The following LRMDA variants were observed in gnomAD, a reference collection of about 807,000 sequenced individuals.
The protein encoded by LRMDA is leucine rich melanocyte differentiation associated.
Under a neutral mutation model 29.8 loss-of-function variants are expected in LRMDA, and 18 were observed. The ratio of observed to expected loss-of-function variants is 0.60; its 90% CI spans 0.42 to 0.90. The LOEUF (loss-of-function observed/expected upper bound fraction) is 0.90. Ranked by LOEUF, LRMDA falls within the 40% of genes least tolerant of loss-of-function variation. LRMDA has a pLI of 0.00. For synonymous variants in LRMDA, 125 were observed against 109.4 expected (o/e 1.14, Z -0.89); for missense variants, 273 against 273.9 (o/e 1.00, Z 0.02).
At chr10:75,459,826 A>G (rs559615995) in intron 2 of LRMDA, among the ~76,000 whole-genome samples, 19 of 152,322 alleles carry the variant, frequency 1.2e-4, no homozygotes, top group African/African-American at 4.6e-4. Context: ...TGCAAGGGCA[A>G]GAGAGCAAGT....
Position 75,518,700 on chromosome 10 carries a change from C to T in LRMDA, c.131+80206C>T, listed in dbSNP as rs1845323632. Among the ~76,000 whole-genome samples the T allele has an allele frequency of 7.2e-5, 11 of 152,126 alleles. 1 individual carries two copies. In the South Asian group the frequency reaches 2.1e-3, roughly 29 times the overall value. The stretch of plus-strand genomic sequence containing the variant: ...GTAGAGTTTTTTGTGTCTCTATCTC[C>T]TTCAGTTCTGCTCTGATCTTAGTTA... On this transcript the variant is annotated intron_variant, in intron 2 of 6. Coordinates refer to ENST00000611255, the MANE Select transcript of LRMDA (RefSeq NM_001305581.2).
chr10:75,638,518 T>C (rs1589142693), intron 2 of LRMDA, among the ~76,000 whole-genome samples: 1 of 152,360 alleles, frequency 6.6e-6, no homozygotes, highest in East Asian at 1.9e-4. Context: ...CTGTCTCCTT[T>C]CTTTCTTCTC....
chr10:75,947,903 T>C (rs560086328), intron 2 of LRMDA, among the ~76,000 whole-genome samples: 1 of 152,310 alleles, frequency 6.6e-6, no homozygotes, highest in Non-Finnish European at 1.5e-5. Flanking sequence ...GCTCGATTAT[T>C]GGATTCTGTA....
chr10:75,592,668 C>T (rs551455517), intron 2 of LRMDA, among the ~76,000 whole-genome samples: 6 of 152,310 alleles, frequency 3.9e-5, no homozygotes, highest in African/African-American at 1.2e-4. Flanking sequence ...GACGCGGCAG[C>T]CCCCCAGGCT....
At chr10:76,295,337 C>T (rs1054030014) in intron 5 of LRMDA, among the ~76,000 whole-genome samples, 1 of 152,166 alleles carries the variant, frequency 6.6e-6, no homozygotes, top group Non-Finnish European at 1.5e-5. Context: ...GTGTGGGAAG[C>T]TGGACAGGTC....
At chr10:76,170,686 T>C (rs534739531) in intron 5 of LRMDA, among the ~76,000 whole-genome samples, 1 of 152,336 alleles carries the variant, frequency 6.6e-6, no homozygotes, top group South Asian at 2.1e-4. Flanking sequence ...AAGGAAACTA[T>C]ATCTCTAGAA....
intron 6 of LRMDA, among the ~76,000 whole-genome samples, chr10:76,332,284 A>G (rs1287227751): frequency 6.6e-6 from 1 of 152,258 alleles, no homozygotes; most frequent in Admixed American, 6.5e-5. Context: ...ACTGGCATGG[A>G]GTTTAGCCAG....
intron 2 of LRMDA, among the ~76,000 whole-genome samples, chr10:75,847,203 G>T (rs942092952): frequency 2.6e-5 from 4 of 152,134 alleles, no homozygotes; most frequent in Admixed American, 2.6e-4. Context: ...ATTGACCATT[G>T]TGTGTATGGT....
chr10:76,413,763 A>G (rs1410159463), intron 6 of LRMDA, among the ~76,000 whole-genome samples: 1 of 152,210 alleles, frequency 6.6e-6, no homozygotes, highest in Non-Finnish European at 1.5e-5. Context: ...TTGCTGTTCT[A>G]TCCCAGGGGC....
At chr10:76,344,600 A>G (rs1841080201) in intron 6 of LRMDA, among the ~76,000 whole-genome samples, 1 of 152,186 alleles carries the variant, frequency 6.6e-6, no homozygotes, top group Non-Finnish European at 1.5e-5. Flanking sequence ...TTTAAAAAGA[A>G]TTATAATGAG....
At chr10:76,458,407 A>G (rs1842479686) in intron 6 of LRMDA, among the ~76,000 whole-genome samples, 1 of 152,226 alleles carries the variant, frequency 6.6e-6, no homozygotes, top group African/African-American at 2.4e-5. Context: ...AAAATGGCTT[A>G]TTGATAGCTT....
chr10:75,528,582 G>A (rs1298786890), intron 2 of LRMDA, among the ~76,000 whole-genome samples: 2 of 152,148 alleles, frequency 1.3e-5, no homozygotes, highest in African/African-American at 2.4e-5. Flanking sequence ...TGAACTTCAC[G>A]ACTAGTTGGT....
intron 2 of LRMDA, among the ~76,000 whole-genome samples, chr10:75,751,769 C>A (rs1842971900): frequency 6.6e-6 from 1 of 151,784 alleles, no homozygotes; most frequent in Non-Finnish European, 1.5e-5. Flanking sequence ...AAATACACGG[C>A]TCCTCTCATT....
intron 2 of LRMDA, among the ~76,000 whole-genome samples, chr10:75,990,590 G>A (rs529414368): frequency 8.5e-5 from 13 of 152,276 alleles, no homozygotes; most frequent in African/African-American, 2.6e-4. Flanking sequence ...CAGCTCTCTT[G>A]CTCCTTAAAT....
At chr10:75,868,867 G>GTT (rs1275337519) in intron 2 of LRMDA, among the ~76,000 whole-genome samples, 4 of 152,144 alleles carry the variant, frequency 2.6e-5, no homozygotes, top group Non-Finnish European at 5.9e-5. Context: ...AACACATGCA[G>GTT]CTCCGTCCTG....
intron 5 of LRMDA, among the ~76,000 whole-genome samples, chr10:76,224,563 C>G (rs1480155774): frequency 6.6e-6 from 1 of 151,454 alleles, no homozygotes; most frequent in Admixed American, 6.6e-5. Context: ...CAGAGCCAGA[C>G]CCTGTCTCAA....
At chr10:76,520,064 G>A (rs905297857) in intron 6 of LRMDA, among the ~76,000 whole-genome samples, 12 of 152,034 alleles carry the variant, frequency 7.9e-5, no homozygotes, top group African/African-American at 2.7e-4. Context: ...GTCTCTAATC[G>A]TTTGTGGTGA....
At chr10:75,829,154 T>C (rs964837086) in intron 2 of LRMDA, among the ~76,000 whole-genome samples, 1 of 152,242 alleles carries the variant, frequency 6.6e-6, no homozygotes, top group African/African-American at 2.4e-5. Context: ...GATGGTGTGC[T>C]GAGCCCTTCC....
intron 2 of LRMDA, among the ~76,000 whole-genome samples, chr10:75,658,588 C>T (rs1445527445): frequency 6.6e-6 from 1 of 152,152 alleles, no homozygotes. Context: ...CTAAGAGGGA[C>T]TGAGGATTTC....
Sources: allele counts gnomAD v4.1 joint callset (sites outside exome capture counted in the v4.1 genomes callset), GRCh38; gene constraint gnomAD v4.1.1; transcripts MANE v1.5; gene names NCBI Gene and HGNC (gene_info 2026-07-23, HGNC 2026-07-21).